DSE: variants seen among roughly 807,000 people sequenced by gnomAD.
DSE encodes the protein dermatan sulfate epimerase.
DSE carries 36 observed loss-of-function variants against 84.4 expected under a neutral mutation model. That is an observed-to-expected ratio of 0.43 (90% CI 0.33 to 0.56). DSE has a LOEUF of 0.56. DSE is among the 20% of genes least tolerant of loss of function. DSE has a pLI of 0.06. For synonymous variants in DSE, 410 were observed against 430.1 expected, an observed-to-expected ratio of 0.95 and a Z score of 0.58; for missense variants, 862 against 1,169.6, an observed-to-expected ratio of 0.74 and a Z score of 3.84.
intron 2 of DSE, among the ~76,000 whole-genome samples, chr6:116,283,828 G>A (rs1773698398): frequency 6.6e-6 from 1 of 152,210 alleles, no homozygotes; most frequent in Admixed American, 6.5e-5. Flanking sequence ...ACAGGCATGA[G>A]CCACTGCGCC....
At chr6:116,407,417 T>C (rs1032767194) in intron 2 of DSE, among the ~76,000 whole-genome samples, 1 of 152,236 alleles carries the variant, frequency 6.6e-6, no homozygotes, top group African/African-American at 2.4e-5. Context: ...TGTCTCACTT[T>C]GTTGATACTG....
intron 2 of DSE, among the ~76,000 whole-genome samples, chr6:116,344,447 T>C (rs918877333): frequency 2.6e-5 from 4 of 152,178 alleles, no homozygotes; most frequent in African/African-American, 7.2e-5. Flanking sequence ...CGGCAGAAAC[T>C]CTACAAGCCA....
At chr6:116,333,371 A>G (rs370451542) in intron 2 of DSE, among the ~76,000 whole-genome samples, 2 of 152,208 alleles carry the variant, frequency 1.3e-5, no homozygotes, top group East Asian at 3.8e-4. Flanking sequence ...ATAGTGAGAC[A>G]ATGTGAGAGA....
At chr6:116,435,444 G>A in intron 5 of DSE, 143 bp from the exon 6 acceptor site, 2 of 772,574 alleles carry the variant, frequency 2.6e-6, no homozygotes, top group South Asian at 2.0e-5. Flanking sequence ...GTTGTCCTTG[G>A]ATATTTTTAG....
At chr6:116,395,135 G>A (rs1455210172) in intron 1 of DSE, among the ~76,000 whole-genome samples, 1 of 152,278 alleles carries the variant, frequency 6.6e-6, no homozygotes, top group Non-Finnish European at 1.5e-5. Flanking sequence ...TGTTGAAAGT[G>A]GGAGGGTTGG....
At chr6:116,336,944 A>T (rs983923978) in intron 2 of DSE, among the ~76,000 whole-genome samples, 6 of 152,214 alleles carry the variant, frequency 3.9e-5, no homozygotes, top group Non-Finnish European at 7.3e-5. Context: ...GCTACATTTC[A>T]TGACTATAGA....
chr6:116,304,733 T>G (rs1288646353), intron 2 of DSE, among the ~76,000 whole-genome samples: 1 of 152,148 alleles, frequency 6.6e-6, no homozygotes, highest in Non-Finnish European at 1.5e-5. Flanking sequence ...GTTGACTGAC[T>G]CAGGGGTTCC....
upstream of DSE, chr6:116,369,949 C>T: frequency 7.8e-7 from 1 of 1,289,190 alleles, no homozygotes; most frequent in African/African-American, 1.5e-5. Context: ...ACAAATCTTT[C>T]ACTTCTGTAC....
chr6:116,292,842 A>G (rs1051352245), intron 2 of DSE, among the ~76,000 whole-genome samples: 1 of 152,230 alleles, frequency 6.6e-6, no homozygotes, highest in Non-Finnish European at 1.5e-5. Context: ...AGAACATTGC[A>G]GACCAATAAG....
chr6:116,389,035 C>A (rs899750399), intron 1 of DSE, among the ~76,000 whole-genome samples: 41 of 152,252 alleles, frequency 2.7e-4, no homozygotes, highest in Middle Eastern at 3.4e-3. Context: ...AAATAGCATT[C>A]TCTGAGTGAT....
intron 1 of DSE, among the ~76,000 whole-genome samples, chr6:116,397,469 A>G (rs1781331802): frequency 6.6e-6 from 1 of 151,968 alleles, no homozygotes; most frequent in Non-Finnish European, 1.5e-5. Flanking sequence ...CGCCTCCCAA[A>G]GTCCTGGGAT....
chr6:116,348,788 T>G (rs1382178754), intron 2 of DSE, among the ~76,000 whole-genome samples: 1 of 152,204 alleles, frequency 6.6e-6, no homozygotes, highest in Non-Finnish European at 1.5e-5. Flanking sequence ...TGGAATACTA[T>G]GCAGCCATAA....
intron 2 of DSE, among the ~76,000 whole-genome samples, chr6:116,303,512 C>T (rs576957466): frequency 1.9e-4 from 29 of 152,118 alleles, no homozygotes; most frequent in Admixed American, 5.2e-4. Context: ...TGTAGATGAT[C>T]GGTATATATA....
At chr6:116,399,149 C>T in intron 1 of DSE, 49 bp from the exon 2 acceptor site, 1 of 1,494,762 alleles carries the variant, frequency 6.7e-7, no homozygotes, top group Non-Finnish European at 9.1e-7. Context: ...ACACCTGTGC[C>T]ATGTTCCCTT....
intron 2 of DSE, among the ~76,000 whole-genome samples, chr6:116,346,893 C>T (rs1253063327): frequency 1.3e-5 from 2 of 152,148 alleles, no homozygotes; most frequent in African/African-American, 4.8e-5. Context: ...CCCAAAATCT[C>T]CTTAAGCTGA....
chr6:116,393,023 T>C (rs1398956052), intron 1 of DSE, among the ~76,000 whole-genome samples: 1 of 152,206 alleles, frequency 6.6e-6, no homozygotes, highest in Non-Finnish European at 1.5e-5. Flanking sequence ...AATTTTAATG[T>C]ACTCCTTCCG....
intron 2 of DSE, among the ~76,000 whole-genome samples, chr6:116,323,640 A>G (rs1179678067): frequency 6.6e-6 from 1 of 152,232 alleles, no homozygotes; most frequent in Non-Finnish European, 1.5e-5. Context: ...TTTGATTTGT[A>G]ATGAACAACA....
chr6:116,410,450 C>T (rs1782247721), intron 2 of DSE, among the ~76,000 whole-genome samples: 1 of 152,006 alleles, frequency 6.6e-6, no homozygotes, highest in South Asian at 2.1e-4. Flanking sequence ...AAAAAATCTA[C>T]AGGCCGAGCG....
At chr6:116,331,071 CTATT>C (rs1443941111) in intron 2 of DSE, among the ~76,000 whole-genome samples, 2 of 152,144 alleles carry the variant, frequency 1.3e-5, no homozygotes, top group African/African-American at 4.8e-5. Context: ...AAGTAAGCAT[CTATT>C]TATGATTAAA....
Sources: allele counts gnomAD v4.1 joint callset (sites outside exome capture counted in the v4.1 genomes callset), GRCh38; gene constraint gnomAD v4.1.1; transcripts MANE v1.5; gene names NCBI Gene and HGNC (gene_info 2026-07-23, HGNC 2026-07-21).